NADSYN1: variants seen among roughly 807,000 people sequenced by gnomAD.
The protein encoded by NADSYN1 is NAD synthetase 1.
In NADSYN1, 80 loss-of-function variants were observed where a neutral mutation model predicts 99.3. That is an observed-to-expected ratio of 0.81 (90% CI 0.67 to 0.97). The LOEUF is 0.97. Ranked by LOEUF, NADSYN1 falls within the 50% of genes least tolerant of loss-of-function variation. NADSYN1 has a pLI of 0.00. For missense variants in NADSYN1, 859 were observed against 948.5 expected (o/e 0.91, Z 1.24); for synonymous variants, 385 against 372.1 (o/e 1.03, Z -0.40).
chr11:71,469,959 C>G (rs760257904), intron 5 of NADSYN1, among the ~76,000 whole-genome samples: 10 of 147,244 alleles, frequency 6.8e-5, no homozygotes, highest in Admixed American at 6.8e-5. Context: ...TGTGTTAGTC[C>G]GTTTTCATGC....
rs1363913483 is a variant in NADSYN1 at position 71,484,417 on chromosome 11, C to T, written c.1425C>T (p.Ser475=). The change falls in exon 15 of 21, where the codon AGC becomes AGT. Residue 475 remains serine, a synonymous_variant. Coordinates refer to ENST00000319023, the MANE Select transcript of NADSYN1 (RefSeq NM_018161.5). The stretch of plus-strand genomic sequence containing the variant: ...TGTTTGCAGCTCATGGAGGAAGCAG[C>T]AGGGAAAACCTGGCGCTGCAAAATG... ...SPLFAAHGGS[S]RENLALQNVQ... is the part of the protein sequence containing the mutation. The T allele has an allele frequency of 1.9e-6, 3 of 1,613,992 alleles. No individual in the cohort carries two copies. Among genetic ancestry groups the T allele is most frequent in the Non-Finnish European group, 2.5e-6 (3 of 1,179,996 alleles).
At chr11:71,497,657 G>C (rs376233317) in intron 19 of NADSYN1, 46 bp downstream of exon 19, 197 of 1,612,356 alleles carry the variant, frequency 1.2e-4, no homozygotes, top group Non-Finnish European at 1.6e-4. Context: ...GTTAGGTAAT[G>C]TCCCCTTTGC....
Position 71,492,841 on chromosome 11 carries a change from A to G in NADSYN1, c.1764+938A>G, listed in dbSNP as rs192124187. ...TTAATCATAAGAACTCTTCTGATCC[A>G]TGAACATGGGACATGGAATGTCTTA... On this transcript the variant is annotated intron_variant, in intron 18 of 20. Coordinates refer to ENST00000319023, the MANE Select transcript of NADSYN1 (RefSeq NM_018161.5). Among the ~76,000 whole-genome samples, 531 of 152,138 alleles carry G rather than the reference A, an allele frequency of 3.5e-3. 4 individuals carry two copies. The highest frequency in any genetic ancestry group is 0.012 in the African/African-American group (485 of 41,472).
At chr11:71,461,792 C>T (rs1345525162) in intron 3 of NADSYN1, among the ~76,000 whole-genome samples, 6 of 152,200 alleles carry the variant, frequency 3.9e-5, no homozygotes, top group Admixed American at 1.3e-4. Flanking sequence ...GAGAACAGCA[C>T]GGAGGGGACA....
Position 71,466,876 on chromosome 11 carries a change from C to T in NADSYN1, c.407+2734C>T, listed in dbSNP as rs1200813944. On this transcript the variant is annotated intron_variant, in intron 5 of 20. Transcript: ENST00000319023. ...AGCCTAAAAACAGTGAAACTGGAGA[C>T]CCTGGGACCCTGGGCGCAAAGCTGG... 3 of 152,194 alleles carry T rather than the reference C, an allele frequency of 2.0e-5. No individual in the cohort carries two copies. The East Asian group carries it at 5.8e-4, about 29-fold the overall frequency. The allele number at this position is 152,194 out of a possible 1,614,324, so 9.4% of individuals were successfully genotyped here.
intron 8 of NADSYN1, among the ~76,000 whole-genome samples, 184 bp from the exon 9 acceptor site, chr11:71,474,211 C>G (rs1428148243): frequency 2.6e-5 from 4 of 152,166 alleles, no homozygotes; most frequent in Admixed American, 1.3e-4. Flanking sequence ...TGGCACCTAG[C>G]AAGGCGGGGC....
At chr11:71,454,672 C>T (rs552132445) in intron 1 of NADSYN1, among the ~76,000 whole-genome samples, 3 of 152,322 alleles carry the variant, frequency 2.0e-5, no homozygotes, top group East Asian at 1.9e-4. Flanking sequence ...ACCAGTAAGC[C>T]GATGGTGCCT....
chr11:71,484,212 AC>A (rs1949727011), intron 14 of NADSYN1, 99 bp from the exon 15 acceptor site: 1 of 1,504,574 alleles, frequency 6.6e-7, no homozygotes, highest in Admixed American at 1.9e-5. Context: ...TAAATGGGTT[AC>A]AATGGTCAGT....
At chr11:71,494,822 T>C (rs1170239638) in intron 18 of NADSYN1, among the ~76,000 whole-genome samples, 1 of 152,212 alleles carries the variant, frequency 6.6e-6, no homozygotes, top group Non-Finnish European at 1.5e-5. Context: ...CCCAAAGTGC[T>C]GGGACTACAG....
chr11:71,478,769 G>A, intron 10 of NADSYN1: 1 of 346,398 alleles, frequency 2.9e-6, no homozygotes, highest in Non-Finnish European at 5.6e-6. Flanking sequence ...GACCCAAGCA[G>A]CCTTGGAGCC....
At chr11:71,494,614 G>A (rs187084065) in intron 18 of NADSYN1, among the ~76,000 whole-genome samples, 78 of 152,282 alleles carry the variant, frequency 5.1e-4, no homozygotes, top group African/African-American at 1.8e-3. Context: ...GCAGTGGTGC[G>A]ATCTCGGCTC....
chr11:71,455,472 G>A (rs1446818200), intron 2 of NADSYN1: 9 of 368,746 alleles, frequency 2.4e-5, no homozygotes, highest in South Asian at 5.4e-5. Context: ...GAATGTTTGC[G>A]TCCCCACAAA....
intron 5 of NADSYN1, among the ~76,000 whole-genome samples, chr11:71,469,620 C>A (rs1283038151): frequency 6.6e-6 from 1 of 152,190 alleles, no homozygotes; most frequent in Admixed American, 6.5e-5. Context: ...GTCCTTAAGG[C>A]ACAGATCACT....
intron 6 of NADSYN1, among the ~76,000 whole-genome samples, chr11:71,472,779 C>T (rs932486872): frequency 1.3e-5 from 2 of 152,218 alleles, no homozygotes; most frequent in Admixed American, 1.3e-4. Flanking sequence ...TGGCAGAAGA[C>T]AGCCTTCTCC....
chr11:71,498,448 C>A lies in NADSYN1; in HGVS notation c.1990C>A (p.Pro664Thr). ...TPAYHAENYS[P>T]EDNRFDLRPF... ...CGCGTACCACGCCGAGAACTACAGC[C>A]CTGAGGACAACAGGTTTGATCTGCG... Residue 664 changes from proline to threonine, a missense_variant, in exon 20 of 21, where the codon CCT (proline) becomes ACT (threonine). Transcript: ENST00000319023. The A allele has an allele frequency of 6.2e-7, 1 of 1,614,184 alleles. No individual in the cohort carries two copies. The highest frequency in any genetic ancestry group is 1.7e-5 in the Admixed American group (1 of 60,024).
At chr11:71,474,823 T>A (rs1206768864) in intron 9 of NADSYN1, 4 of 398,832 alleles carry the variant, frequency 1.0e-5, no homozygotes, top group African/African-American at 8.3e-5. Flanking sequence ...TTTACCTGGT[T>A]GGTGAGGGGG....
intron 16 of NADSYN1, among the ~76,000 whole-genome samples, chr11:71,489,461 C>CTG (rs1382572110): frequency 3.9e-5 from 6 of 152,140 alleles, no homozygotes; most frequent in Non-Finnish European, 4.4e-5. Flanking sequence ...GAGCTGAGCT[C>CTG]TGCACTGCGG....
intron 9 of NADSYN1, 110 bp downstream of exon 9, chr11:71,474,636 C>T (rs1473833270): frequency 7.0e-7 from 1 of 1,420,546 alleles, no homozygotes; most frequent in Non-Finnish European, 9.8e-7. Context: ...TGGAGAAGCC[C>T]CCGGGGGTCC....
intron 9 of NADSYN1, among the ~76,000 whole-genome samples, chr11:71,478,166 TG>T (rs1416412006): frequency 1.3e-5 from 2 of 152,180 alleles, no homozygotes; most frequent in Non-Finnish European, 2.9e-5. Context: ...CTGTGATTAG[TG>T]GGTCACTGGC....
Sources: allele counts gnomAD v4.1 joint callset (sites outside exome capture counted in the v4.1 genomes callset), GRCh38; gene constraint gnomAD v4.1.1; transcripts MANE v1.5; gene names NCBI Gene and HGNC (gene_info 2026-07-23, HGNC 2026-07-21).